The following TBC1D5 variants were observed in gnomAD, a reference collection of about 807,000 sequenced individuals.
TBC1D5 encodes the protein TBC1 domain family member 5.
Under a neutral mutation model 100.3 loss-of-function variants are expected in TBC1D5, and 75 were observed. That is an observed-to-expected ratio of 0.75 (90% confidence interval 0.62 to 0.91). TBC1D5 has a LOEUF of 0.91. Among genes scored for constraint, TBC1D5 ranks in the 40% least tolerant of loss-of-function variants. TBC1D5 has a pLI of 0.00. For missense variants in TBC1D5, 910 were observed against 942.4 expected (o/e 0.97, Z 0.45); for synonymous variants, 323 against 325.6 (o/e 0.99, Z 0.09).
At chr3:17,724,370 C>G (rs2075950759) in intron 1 of TBC1D5, among the ~76,000 whole-genome samples, 1 of 152,174 alleles carries the variant, frequency 6.6e-6, no homozygotes, top group African/African-American at 2.4e-5. Context: ...GCTGGGGTTA[C>G]AGGCATGAGC....
At chr3:17,696,156 T>G (rs1407329351) in intron 1 of TBC1D5, among the ~76,000 whole-genome samples, 1 of 151,686 alleles carries the variant, frequency 6.6e-6, no homozygotes, top group Non-Finnish European at 1.5e-5. Flanking sequence ...AAGAAAGATC[T>G]AAAATCGACA....
chr3:17,311,336 T>G (rs1002956124), intron 13 of TBC1D5, among the ~76,000 whole-genome samples: 7 of 152,058 alleles, frequency 4.6e-5, no homozygotes, highest in African/African-American at 1.7e-4. Context: ...AATATAATAA[T>G]TCATATTTTA....
intron 16 of TBC1D5, among the ~76,000 whole-genome samples, chr3:17,248,754 A>G (rs2076953534): frequency 6.6e-6 from 1 of 152,118 alleles, no homozygotes; most frequent in African/African-American, 2.4e-5. Flanking sequence ...GCCCTTTGAA[A>G]TTTTGATGCC....
intron 3 of TBC1D5, among the ~76,000 whole-genome samples, chr3:17,486,351 C>T (rs562150078): frequency 2.6e-5 from 4 of 152,178 alleles, no homozygotes; most frequent in African/African-American, 9.7e-5. Flanking sequence ...AATTAGATCC[C>T]ATTTGTCAAT....
At chr3:17,623,806 T>C (rs1037147965) in intron 2 of TBC1D5, 43 bp downstream of exon 2, 1 of 152,200 alleles carries the variant, frequency 6.6e-6, no homozygotes, top group Non-Finnish European at 1.5e-5. Flanking sequence ...GTGTTGGGCA[T>C]ACATGACAGC....
chr3:17,729,706 A>G (rs2076404062), intron 1 of TBC1D5, among the ~76,000 whole-genome samples: 1 of 152,016 alleles, frequency 6.6e-6, no homozygotes, highest in Non-Finnish European at 1.5e-5. Context: ...GACTGTCTCA[A>G]AAACAACAAA....
intron 18 of TBC1D5, among the ~76,000 whole-genome samples, chr3:17,200,182 G>C (rs977640186): frequency 6.6e-6 from 1 of 152,168 alleles, no homozygotes; most frequent in African/African-American, 2.4e-5. Flanking sequence ...TGCTGTTAAA[G>C]TTCCTGTCTA....
chr3:17,405,593 A>G (rs1301469595), intron 5 of TBC1D5, among the ~76,000 whole-genome samples: 1 of 152,022 alleles, frequency 6.6e-6, no homozygotes, highest in Non-Finnish European at 1.5e-5. Flanking sequence ...TTAACAGGGA[A>G]TGGGGGTGGC....
In TBC1D5 at chr3:17,591,265, A is replaced by AAC. The variant is rs1560228261; in HGVS notation, c.-36+32582_-36+32583dup. Among the ~76,000 whole-genome samples the AAC allele has an allele frequency of 4.9e-4, 54 of 109,182 alleles. No individual in the cohort carries two copies. The Middle Eastern group carries it at 0.014, about 29-fold the overall frequency. The allele number at this position is 109,182 out of a possible 152,430, so 71.6% of individuals were successfully genotyped here. A position where few individuals can be genotyped will look rare whatever the true frequency, so the allele number is the denominator to read the frequency against. On this transcript the variant is annotated intron_variant, in intron 2 of 21. Coordinates refer to ENST00000253692, the Ensembl canonical transcript of TBC1D5. ...AAAAAAAAAAAAAAAAAAAAAAAAAAACAAAAACCCCAGAGAATCATGGCC... is the reference window on the plus strand; with the variant it reads ...AAAAAAAAAAAAAAAAAAAAAAAAAAACACAAAAACCCCAGAGAATCATGGCC...
At chr3:17,617,307 C>A (rs1008652685) in intron 2 of TBC1D5, among the ~76,000 whole-genome samples, 7 of 152,142 alleles carry the variant, frequency 4.6e-5, no homozygotes, top group Non-Finnish European at 1.0e-4. Context: ...TGTCTGGCTG[C>A]CCTTAACATT....
intron 12 of TBC1D5, 30 bp downstream of exon 12, chr3:17,374,441 T>A: frequency 6.3e-7 from 1 of 1,594,056 alleles, no homozygotes; most frequent in Non-Finnish European, 8.6e-7. Flanking sequence ...CCATAGCATA[T>A]ACTGAAAAGA....
chr3:17,420,340 A>T (rs1166285168), intron 4 of TBC1D5, among the ~76,000 whole-genome samples: 2 of 151,974 alleles, frequency 1.3e-5, no homozygotes, highest in Admixed American at 1.3e-4. Flanking sequence ...AATCTGATAT[A>T]AAAAAATAGG....
At chr3:17,215,326 G>A (rs2073504231) in intron 17 of TBC1D5, among the ~76,000 whole-genome samples, 1 of 152,090 alleles carries the variant, frequency 6.6e-6, no homozygotes, top group Non-Finnish European at 1.5e-5. Context: ...GTCACATTTT[G>A]GACAAAACTG....
intron 2 of TBC1D5, among the ~76,000 whole-genome samples, chr3:17,582,758 TA>T (rs1414020099): frequency 2.8e-5 from 4 of 144,268 alleles, no homozygotes; most frequent in Non-Finnish European, 6.1e-5. Flanking sequence ...AAACTCTGAT[TA>T]AAAAAACTAC....
intron 3 of TBC1D5, among the ~76,000 whole-genome samples, chr3:17,469,000 T>A (rs2150089182): frequency 6.6e-6 from 1 of 152,232 alleles, no homozygotes; most frequent in African/African-American, 2.4e-5. Flanking sequence ...GAGAAGGGAA[T>A]TAATATTTCC....
intron 2 of TBC1D5, among the ~76,000 whole-genome samples, chr3:17,618,444 C>G (rs897157186): frequency 6.6e-6 from 1 of 152,226 alleles, no homozygotes; most frequent in Non-Finnish European, 1.5e-5. Context: ...AGCTGTTAGA[C>G]AGGGACGTTT....
At chr3:17,728,341 A>G (rs550228015) in intron 1 of TBC1D5, among the ~76,000 whole-genome samples, 3 of 152,256 alleles carry the variant, frequency 2.0e-5, no homozygotes, top group African/African-American at 7.2e-5. Flanking sequence ...AACATTCACC[A>G]ATGTTTGTAG....
At chr3:17,703,675 G>A (rs1478593691) in intron 1 of TBC1D5, among the ~76,000 whole-genome samples, 2 of 152,074 alleles carry the variant, frequency 1.3e-5, no homozygotes, top group Admixed American at 1.3e-4. Flanking sequence ...TAAGATCATA[G>A]AACAGGGGAT....
chr3:17,560,989 G>A (rs779056491), intron 2 of TBC1D5, among the ~76,000 whole-genome samples: 3 of 151,820 alleles, frequency 2.0e-5, no homozygotes, highest in African/African-American at 7.3e-5. Context: ...GTCTAGAGAC[G>A]CACACCTAAG....
Sources: gnomAD v4.1 joint callset for allele counts (sites outside exome capture counted in the v4.1 genomes callset) on GRCh38, gnomAD v4.1.1 for gene constraint, MANE v1.5 for transcripts, NCBI Gene and HGNC (gene_info 2026-07-23, HGNC 2026-07-21) for gene names.